The following TFG variants were observed in gnomAD, a reference collection of about 807,000 sequenced individuals.
TFG encodes the protein trafficking from ER to golgi regulator.
In TFG, 22 loss-of-function variants were observed where a neutral mutation model predicts 51.4. The observed-to-expected ratio is 0.43, with a 90% confidence interval of 0.31 to 0.61. The LOEUF (loss-of-function observed/expected upper bound fraction) is 0.61, where lower values mean the gene tolerates loss of function less well. Among genes scored for constraint, TFG ranks in the 20% least tolerant of loss-of-function variants. The pLI, the probability that TFG is intolerant of heterozygous loss-of-function variation, is 0.12. For missense variants in TFG, 419 were observed against 487.7 expected (o/e 0.86, Z 1.33); for synonymous variants, 187 against 165.6 (o/e 1.13, Z -0.99).
chr3:100,719,599 A>T (rs976253776), intron 2 of TFG, among the ~76,000 whole-genome samples: 3 of 152,172 alleles, frequency 2.0e-5, no homozygotes, highest in Non-Finnish European at 4.4e-5. Flanking sequence ...AAACTTTTTT[A>T]TTTCTTGGTA....
intron 2 of TFG, among the ~76,000 whole-genome samples, chr3:100,714,122 C>T (rs1204370891): frequency 4.6e-5 from 7 of 152,092 alleles, no homozygotes; most frequent in Admixed American, 3.9e-4. Context: ...CTTTCCCATC[C>T]TCTCTTCACG....
At chr3:100,729,394 A>G (rs2095085165) in intron 4 of TFG, among the ~76,000 whole-genome samples, 1 of 152,188 alleles carries the variant, frequency 6.6e-6, no homozygotes, top group South Asian at 2.1e-4. Flanking sequence ...TCCCCATTGT[A>G]TAATGACATG....
chr3:100,747,907 T>C (rs1205159489), intron 7 of TFG, among the ~76,000 whole-genome samples: 1 of 152,208 alleles, frequency 6.6e-6, no homozygotes, highest in Non-Finnish European at 1.5e-5. Flanking sequence ...CTAGGAATTA[T>C]GCTATGTCAG....
intron 1 of TFG, among the ~76,000 whole-genome samples, chr3:100,712,117 A>G (rs1358417222): frequency 6.6e-6 from 1 of 152,128 alleles, no homozygotes; most frequent in South Asian, 2.1e-4. Flanking sequence ...GACCCATTTC[A>G]TTGAAGATTT....
At chr3:100,744,812 T>A (rs1179913905) in intron 6 of TFG, 21 bp from the exon 7 acceptor site, 1 of 1,552,876 alleles carries the variant, frequency 6.4e-7, no homozygotes, top group African/African-American at 1.4e-5. Context: ...TTTCCTTGTG[T>A]GTGTGTGTGT....
Position 100,721,211 on chromosome 3 carries a change from C to T in TFG, c.268+1153C>T, listed in dbSNP as rs79456971. On this transcript the variant is annotated intron_variant, in intron 3 of 7. Transcript: ENST00000240851. ...CTTTAAACAGGATCTGCTAGATAAACTTACAAATGTGTTTTCTGAATTCTG... is the reference window on the plus strand; with the variant it reads ...CTTTAAACAGGATCTGCTAGATAAATTTACAAATGTGTTTTCTGAATTCTG... Among the ~76,000 whole-genome samples the T allele has an allele frequency of 1.1e-4, 17 of 152,252 alleles. No individual in the cohort carries two copies. The East Asian group carries it at 2.9e-3, about 26-fold the overall frequency.
chr3:100,717,124 G>A (rs990523340), intron 2 of TFG, among the ~76,000 whole-genome samples: 2 of 152,156 alleles, frequency 1.3e-5, no homozygotes, highest in African/African-American at 2.4e-5. Flanking sequence ...CTATTAAAGA[G>A]GTTATCCTTT....
rs371799325 is a variant in TFG, at chr3:100,737,400, A to T, written c.721+684A>T. 1.6e-4 allele frequency among the ~76,000 whole-genome samples: 25 copies of T among 152,204 alleles called. No individual in the cohort carries two copies. In the East Asian group the frequency reaches 1.9e-3, roughly 12 times the overall value. On this transcript the variant is annotated intron_variant, in intron 6 of 7. Coordinates refer to ENST00000240851, the MANE Select transcript of TFG (RefSeq NM_006070.6). Reference sequence around the variant, plus strand: ...GAAAGCTCCATATTTAAAATAGGGGATTGAAGGGCAACAGACTTCACACAG... The same window carrying T: ...GAAAGCTCCATATTTAAAATAGGGGTTTGAAGGGCAACAGACTTCACACAG...
rs562124673 is a variant in TFG, at chr3:100,736,445, A to G, written c.581-131A>G. On this transcript the variant is annotated intron_variant, in intron 5 of 7. Transcript: ENST00000240851. ...AAAATAAAGTACATACATTTAATGT[A>G]AAAAGGCGTATTTGTGGTTATATAC... The G allele has an allele frequency of 5.3e-6, 5 of 940,256 alleles. 1 individual carries two copies. In the South Asian group the frequency reaches 6.0e-5, roughly 11 times the overall value. 58.2% of individuals were successfully genotyped at this position (940,256 alleles called of 1,614,324 possible).
chr3:100,730,603 A>G (rs541049186), intron 4 of TFG, among the ~76,000 whole-genome samples: 6 of 152,236 alleles, frequency 3.9e-5, no homozygotes, highest in Middle Eastern at 3.2e-3. Flanking sequence ...AATCTAGTCC[A>G]CAAAATGAAA....
At chr3:100,728,659 G>A (rs2095082628) in intron 3 of TFG, 53 bp from the exon 4 acceptor site, 2 of 1,405,172 alleles carry the variant, frequency 1.4e-6, no homozygotes, top group African/African-American at 1.5e-5. Context: ...CATATTATTA[G>A]TATACTTATT....
chr3:100,744,639 A>G, intron 6 of TFG, 194 bp from the exon 7 acceptor site: 1 of 434,792 alleles, frequency 2.3e-6, no homozygotes, highest in South Asian at 5.3e-5. Flanking sequence ...TCTGCAGTTA[A>G]TCCACAGCAG....
At chr3:100,739,806 C>A (rs2095116372) in intron 6 of TFG, among the ~76,000 whole-genome samples, 1 of 152,006 alleles carries the variant, frequency 6.6e-6, no homozygotes, top group Non-Finnish European at 1.5e-5. Flanking sequence ...GTATATATGT[C>A]CAACTGATAA....
At chr3:100,737,020 A>G (rs1260156089) in intron 6 of TFG, among the ~76,000 whole-genome samples, 3 of 152,216 alleles carry the variant, frequency 2.0e-5, no homozygotes, top group African/African-American at 7.2e-5. Context: ...TGGTGATTTC[A>G]CACTTTATTT....
intron 2 of TFG, among the ~76,000 whole-genome samples, chr3:100,719,406 T>G (rs1344896942): frequency 2.6e-5 from 4 of 152,230 alleles, no homozygotes; most frequent in Non-Finnish European, 5.9e-5. Context: ...ATCTGGGGGA[T>G]TTCACGGTCA....
chr3:100,745,039 A>T (rs1046036057), intron 7 of TFG, 108 bp downstream of exon 7: 3 of 485,440 alleles, frequency 6.2e-6, no homozygotes, highest in Non-Finnish European at 1.1e-5. Flanking sequence ...AATAGGTATT[A>T]AGTTTTTATT....
chr3:100,737,544 G>C (rs536195355), intron 6 of TFG, among the ~76,000 whole-genome samples: 1 of 152,212 alleles, frequency 6.6e-6, no homozygotes, highest in African/African-American at 2.4e-5. Flanking sequence ...GTCTATGTGT[G>C]TTGGGACCTT....
In TFG at chr3:100,713,677, G is replaced by T; in HGVS notation, c.-9G>T. 6.3e-7 allele frequency: 1 copy of T among 1,580,114 alleles called. No homozygotes were observed. The highest frequency in any genetic ancestry group is 8.6e-7 in the Non-Finnish European group (1 of 1,159,238). On this transcript the variant is annotated 5_prime_UTR_variant, in exon 2 of 8. Coordinates refer to ENST00000240851, the MANE Select transcript of TFG (RefSeq NM_006070.6). ...AGAGTTGTATATATAGAACATCCTG[G>T]AGTCCACCATGAACGGACAGTTGGA...
At chr3:100,726,226 G>C (rs1328857742) in intron 3 of TFG, among the ~76,000 whole-genome samples, 4 of 152,216 alleles carry the variant, frequency 2.6e-5, no homozygotes, top group Non-Finnish European at 5.9e-5. Context: ...GGCAGGAGGA[G>C]TGGAAGCAAG....
Sources: gnomAD v4.1 joint callset for allele counts (sites outside exome capture counted in the v4.1 genomes callset) on GRCh38, gnomAD v4.1.1 for gene constraint, MANE v1.5 for transcripts, NCBI Gene and HGNC (gene_info 2026-07-23, HGNC 2026-07-21) for gene names.